CFAP44: variants seen among roughly 807,000 people sequenced by gnomAD.
CFAP44 encodes cilia- and flagella-associated protein 44.
Under a neutral mutation model 216.2 loss-of-function variants are expected in CFAP44, and 134 were observed. That is an observed-to-expected ratio of 0.62 (90% confidence interval 0.54 to 0.72). The LOEUF (loss-of-function observed/expected upper bound fraction) is 0.72. Ranked by LOEUF, CFAP44 falls within the 30% of genes least tolerant of loss-of-function variation. The pLI, the probability that CFAP44 is intolerant of heterozygous loss-of-function variation, is 0.00. For missense variants in CFAP44, 2,035 were observed against 2,182.1 expected (o/e 0.93, Z 1.34); for synonymous variants, 700 against 727.6 (o/e 0.96, Z 0.61).
At chr3:113,338,082 A>G (rs940468695) in intron 24 of CFAP44, among the ~76,000 whole-genome samples, 5 of 151,504 alleles carry the variant, frequency 3.3e-5, no homozygotes, top group Non-Finnish European at 7.4e-5. Flanking sequence ...GGCCAACATG[A>G]TGAAACCCTG....
At chr3:113,339,853 AG>A (rs1394201076) in intron 24 of CFAP44, among the ~76,000 whole-genome samples, 1 of 152,212 alleles carries the variant, frequency 6.6e-6, no homozygotes, top group Non-Finnish European at 1.5e-5. Flanking sequence ...CACTTAGAAA[AG>A]GAAAAAAAGA....
intron 17 of CFAP44, among the ~76,000 whole-genome samples, chr3:113,375,490 C>T (rs965609227): frequency 2.0e-5 from 3 of 151,960 alleles, no homozygotes; most frequent in Non-Finnish European, 4.4e-5. Flanking sequence ...AAGATACATA[C>T]GGAACATGAG....
intron 15 of CFAP44, among the ~76,000 whole-genome samples, chr3:113,394,469 C>T (rs935317133): frequency 1.3e-5 from 2 of 152,198 alleles, no homozygotes; most frequent in African/African-American, 4.8e-5. Context: ...ACTCCCCTCA[C>T]CTGAACCATC....
intron 22 of CFAP44, among the ~76,000 whole-genome samples, chr3:113,352,264 A>T (rs373991185): frequency 8.5e-5 from 13 of 152,322 alleles, no homozygotes; most frequent in South Asian, 6.2e-4. Flanking sequence ...GTGGGCAGGG[A>T]CAAATAAGGG....
Position 113,393,039 on chromosome 3 carries a change from G to C in CFAP44, c.1890+2711C>G, listed in dbSNP as rs971708763. ...GGTAGTAGCCATGGCAGACAGAATG[G>C]CTCTGTGTGTACATGGGACGCACCC... On this transcript the variant is annotated intron_variant, in intron 15 of 34. Transcript: ENST00000393845. 2.9e-4 allele frequency among the ~76,000 whole-genome samples: 44 copies of C among 152,118 alleles called. 1 individual carries two copies. The highest frequency in any genetic ancestry group is 2.8e-3 in the Admixed American group (43 of 15,272).
At chr3:113,360,520 A>T (rs1950529060) in intron 21 of CFAP44, 1 of 222,060 alleles carries the variant, frequency 4.5e-6, no homozygotes, top group African/African-American at 2.3e-5. Flanking sequence ...ATCAGACATG[A>T]TCCTCATCTT....
chr3:113,441,476 C>A lies in CFAP44; in HGVS notation c.-29G>T. Reference sequence around the variant, plus strand: ...ACCGAAGGTACTGACCGCCGCGGCTCCTCTCTTCACAGCGTCTGCCGGAGG... The same window carrying A: ...ACCGAAGGTACTGACCGCCGCGGCTACTCTCTTCACAGCGTCTGCCGGAGG... On this transcript the variant is annotated 5_prime_UTR_variant, in exon 1 of 35. Coordinates refer to ENST00000393845, the MANE Select transcript of CFAP44 (RefSeq NM_001164496.2). 1 of 985,448 alleles carries A rather than the reference C, an allele frequency of 1.0e-6. No homozygotes were observed. Among genetic ancestry groups the A allele is most frequent in the Non-Finnish European group, 1.2e-6 (1 of 829,994 alleles). The allele number at this position is 985,448 out of a possible 1,614,324, so 61.0% of individuals were successfully genotyped here.
intron 1 of CFAP44, among the ~76,000 whole-genome samples, chr3:113,441,114 G>A (rs540244343): frequency 6.6e-6 from 1 of 152,062 alleles, no homozygotes; most frequent in South Asian, 2.1e-4. Context: ...CCAGCTGAGC[G>A]CAGGGCAGGT....
rs548793055 is a variant in CFAP44, at chr3:113,433,346, T to G, written c.100+219A>C. Among the ~76,000 whole-genome samples the G allele has an allele frequency of 1.5e-4, 22 of 144,600 alleles. No individual in the cohort carries two copies. The East Asian group carries it at 4.1e-3, about 27-fold the overall frequency. The allele number at this position is 144,600 out of a possible 152,430, so 94.9% of individuals were successfully genotyped here. A position where few individuals can be genotyped will look rare whatever the true frequency, so the allele number is the denominator to read the frequency against. ...CAGGAGGCTGAGGCAGGAGAATCAC[T>G]TGAACCCAGAAGACGGAGGTTATAG... is the stretch of plus-strand genomic sequence containing the variant. On this transcript the variant is annotated intron_variant, in intron 2 of 34. Coordinates refer to ENST00000393845, the MANE Select transcript of CFAP44 (RefSeq NM_001164496.2).
rs946744183 is a variant in CFAP44 at position 113,396,566 on chromosome 3, A to G, written c.1731T>C (p.Cys577=). ...CACGTTCATAAGCTAAAGCAGTGAC[A>G]CAAGCAGTATGGGGTTTGAAAACCT... ...LKQVFKPHTA[C]VTALAYERDG... is the part of the protein sequence containing the mutation. Residue 577 remains cysteine, a synonymous_variant, in exon 14 of 35, where the codon TGT becomes TGC. Coordinates refer to ENST00000393845, the MANE Select transcript of CFAP44 (RefSeq NM_001164496.2). 1 of 1,614,162 alleles carries G rather than the reference A, an allele frequency of 6.2e-7. No individual in the cohort carries two copies. The highest frequency in any genetic ancestry group is 8.5e-7 in the Non-Finnish European group (1 of 1,180,018).
intron 24 of CFAP44, among the ~76,000 whole-genome samples, chr3:113,340,627 G>A (rs977746271): frequency 6.6e-6 from 1 of 152,192 alleles, no homozygotes; most frequent in South Asian, 2.1e-4. Context: ...GCATACAGGC[G>A]GGCAGGCTGT....
At chr3:113,341,185 T>C (rs1950329957) in intron 24 of CFAP44, among the ~76,000 whole-genome samples, 1 of 151,980 alleles carries the variant, frequency 6.6e-6, no homozygotes, top group South Asian at 2.1e-4. Flanking sequence ...TCTTGGGAAA[T>C]GCAACACTTG....
At chr3:113,361,468 T>C (rs1190592112) in intron 21 of CFAP44, 1 of 151,694 alleles carries the variant, frequency 6.6e-6, no homozygotes, top group Non-Finnish European at 1.5e-5. Flanking sequence ...ATTATATAAT[T>C]ATACATATTG....
intron 5 of CFAP44, chr3:113,417,208 T>A (rs1484824912): frequency 3.3e-5 from 5 of 152,238 alleles, no homozygotes; most frequent in Non-Finnish European, 5.9e-5. Context: ...GGGATTCTTG[T>A]TTCCAGACCA....
chr3:113,336,953 G>A (rs987836341), intron 24 of CFAP44, among the ~76,000 whole-genome samples: 7 of 151,624 alleles, frequency 4.6e-5, no homozygotes, highest in Non-Finnish European at 8.8e-5. Flanking sequence ...TTTCAATATA[G>A]TACTGGAAGT....
At chr3:113,394,929 T>C (rs2107352825) in intron 15 of CFAP44, among the ~76,000 whole-genome samples, 1 of 152,298 alleles carries the variant, frequency 6.6e-6, no homozygotes, top group East Asian at 1.9e-4. Flanking sequence ...AAATGTATAG[T>C]TTTTTCTCCT....
intron 22 of CFAP44, among the ~76,000 whole-genome samples, chr3:113,351,866 A>G (rs1487758796): frequency 6.6e-6 from 1 of 152,188 alleles, no homozygotes; most frequent in African/African-American, 2.4e-5. Context: ...GGTCTTACAA[A>G]TAGAACCTAA....
At chr3:113,405,103 T>C (rs1365933788) in intron 8 of CFAP44, among the ~76,000 whole-genome samples, 3 of 152,218 alleles carry the variant, frequency 2.0e-5, no homozygotes, top group Admixed American at 2.0e-4. Context: ...AACTCTATTC[T>C]AATTTTTACC....
At position 113,326,622 on chromosome 3, in the gene CFAP44, G is replaced by C. The variant is rs1413247380; in HGVS notation, c.4339C>G (p.Leu1447Val). ...TTCTTTTTCTCTTCCATCTCTTTAAGAGTTTCATTTATTTTCCACTAAATG... is the reference window on the plus strand; with the variant it reads ...TTCTTTTTCTCTTCCATCTCTTTAACAGTTTCATTTATTTTCCACTAAATG... The part of the protein sequence containing the change: ...QYMQWKINET[L>V]KEMEEKKNEI... Residue 1447 changes from leucine to valine, a missense_variant, in exon 28 of 35, where the codon CTT becomes GTT. This residue lies in a region of CFAP44 where 1,883 missense variants were observed against 2,023.7 expected (regional missense o/e 0.93). Transcript: ENST00000393845. 3.3e-6 allele frequency: 5 copies of C among 1,498,672 alleles called. No individual in the cohort carries two copies. In the East Asian group the frequency reaches 1.2e-4, roughly 37 times the overall value. The allele number at this position is 1,498,672 out of a possible 1,614,324, so 92.8% of individuals were successfully genotyped here.
Sources: gnomAD v4.1 joint callset for allele counts (sites outside exome capture counted in the v4.1 genomes callset) on GRCh38, gnomAD v4.1.1 for gene constraint, gnomAD v4.1.1 regional missense constraint, MANE v1.5 for transcripts, NCBI Gene and HGNC (gene_info 2026-07-23, HGNC 2026-07-21) for gene names.